The following CCDC148 variants were observed in gnomAD, a reference collection of about 807,000 sequenced individuals.
CCDC148 encodes coiled-coil domain-containing protein 148.
Under a neutral mutation model 85.7 loss-of-function variants are expected in CCDC148, and 89 were observed. The ratio of observed to expected loss-of-function variants is 1.04; its 90% CI spans 0.87 to 1.24. CCDC148 has a LOEUF of 1.24. CCDC148 is among the 50% of genes most tolerant of loss of function. The pLI is 0.00. For synonymous variants in CCDC148, 230 were observed against 213.9 expected (o/e 1.08, Z -0.66); for missense variants, 692 against 671.7 (o/e 1.03, Z -0.33).
chr2:158,434,960 A>G (rs1687566875), intron 1 of CCDC148, among the ~76,000 whole-genome samples: 1 of 152,218 alleles, frequency 6.6e-6, no homozygotes, highest in African/African-American at 2.4e-5. Flanking sequence ...AAAGCCTCCA[A>G]GAAATATGGG....
chr2:158,232,024 G>C (rs911275910), intron 10 of CCDC148, among the ~76,000 whole-genome samples: 5 of 152,004 alleles, frequency 3.3e-5, no homozygotes, highest in South Asian at 2.1e-4. Context: ...CTGATTGTTA[G>C]ACTTTTTGAA....
chr2:158,448,809 T>TTTG (rs916503877), intron 1 of CCDC148, among the ~76,000 whole-genome samples: 19 of 151,980 alleles, frequency 1.3e-4, no homozygotes, highest in Non-Finnish European at 2.5e-4. Context: ...GAATTGGGTT[T>TTTG]TTGTTGTTGT....
chr2:158,336,063 C>A (rs1682359896), intron 7 of CCDC148, among the ~76,000 whole-genome samples: 1 of 152,190 alleles, frequency 6.6e-6, no homozygotes, highest in Non-Finnish European at 1.5e-5. Context: ...CAGTGCACAA[C>A]TGTCTAAACT....
chr2:158,371,742 AACC>A (rs1260663301), intron 1 of CCDC148, among the ~76,000 whole-genome samples: 1 of 151,784 alleles, frequency 6.6e-6, no homozygotes, highest in Non-Finnish European at 1.5e-5. Context: ...ATATTCATTC[AACC>A]ACTACAAGAA....
At chr2:158,340,470 G>A (rs1682625237) in intron 4 of CCDC148, 77 bp from the exon 5 acceptor site, 9 of 1,512,776 alleles carry the variant, frequency 5.9e-6, no homozygotes, top group African/African-American at 1.4e-5. Context: ...TTAGAGTACA[G>A]ATTTATTTGG....
At position 158,345,303 on chromosome 2, in the gene CCDC148, A is replaced by G. The variant is rs1034634795; in HGVS notation, c.163T>C (p.Leu55=). 1 of 1,612,658 alleles carries G rather than the reference A, an allele frequency of 6.2e-7. No individual in the cohort carries two copies. The highest frequency in any genetic ancestry group is 1.3e-5 in the African/African-American group (1 of 74,834). The change falls in exon 3 of 14, where the codon TTG becomes CTG. Residue 55 remains leucine (L), a synonymous_variant. Coordinates refer to ENST00000283233, the MANE Select transcript of CCDC148 (RefSeq NM_138803.4). The stretch of plus-strand genomic sequence containing the variant: ...TGTTCTTTGGATAACTTTGAAGTCA[A>G]CATTGCTTTTCTGATCTAGATTTAG... ...SAKLKIRKAM[L]TSKLSKEQTL...
intron 1 of CCDC148, among the ~76,000 whole-genome samples, chr2:158,384,032 T>C (rs1281234267): frequency 6.6e-6 from 1 of 152,170 alleles, no homozygotes; most frequent in Non-Finnish European, 1.5e-5. Context: ...CCTTCAGTTT[T>C]GGTTTGTCTG....
chr2:158,433,857 A>G (rs1687499459), intron 1 of CCDC148, among the ~76,000 whole-genome samples: 1 of 152,228 alleles, frequency 6.6e-6, no homozygotes. Context: ...TCCCACGCCC[A>G]TGGAGCCTCG....
intron 7 of CCDC148, among the ~76,000 whole-genome samples, chr2:158,327,636 G>T (rs77858482): frequency 0.071 from 10,801 of 152,200 alleles, 532 homozygotes; most frequent in South Asian, 0.11. Context: ...CACAGCAATA[G>T]TCTTCCCTCA....
intron 9 of CCDC148, among the ~76,000 whole-genome samples, chr2:158,283,947 T>TA (rs1287346330): frequency 4.6e-5 from 7 of 151,258 alleles, no homozygotes; most frequent in Non-Finnish European, 1.0e-4. Flanking sequence ...TATGCAGCCA[T>TA]AAAAAATGAT....
chr2:158,314,253 T>G (rs1298076998), intron 7 of CCDC148, among the ~76,000 whole-genome samples: 1 of 152,222 alleles, frequency 6.6e-6, no homozygotes, highest in Non-Finnish European at 1.5e-5. Context: ...AAAAGGAATT[T>G]TATTTATTCA....
chr2:158,259,139 T>G (rs1265948415), intron 9 of CCDC148, among the ~76,000 whole-genome samples: 1 of 151,838 alleles, frequency 6.6e-6, no homozygotes, highest in African/African-American at 2.4e-5. Flanking sequence ...CTCCCCTTTC[T>G]AATCAATATT....
intron 1 of CCDC148, among the ~76,000 whole-genome samples, chr2:158,405,821 T>G (rs1685974402): frequency 6.6e-6 from 1 of 152,212 alleles, no homozygotes; most frequent in South Asian, 2.1e-4. Context: ...ATTCATTGAA[T>G]ATTGTAATAG....
At chr2:158,259,321 G>A (rs1430493749) in intron 9 of CCDC148, among the ~76,000 whole-genome samples, 1 of 151,794 alleles carries the variant, frequency 6.6e-6, no homozygotes, top group African/African-American at 2.4e-5. Flanking sequence ...ACTGGTGCCT[G>A]TTTCCCCACT....
intron 1 of CCDC148, among the ~76,000 whole-genome samples, chr2:158,387,018 CAT>C (rs1685113094): frequency 2.0e-5 from 3 of 152,158 alleles, no homozygotes; most frequent in Non-Finnish European, 4.4e-5. Context: ...ATAAAAAATA[CAT>C]ATATGGTTGT....
chr2:158,454,248 A>G (rs748719613), intron 1 of CCDC148, among the ~76,000 whole-genome samples: 22 of 152,240 alleles, frequency 1.4e-4, no homozygotes, highest in Non-Finnish European at 2.2e-4. Context: ...AGGCCAATAG[A>G]TAGAGATGGT....
chr2:158,331,519 A>T (rs925524410), intron 7 of CCDC148, among the ~76,000 whole-genome samples: 2 of 152,180 alleles, frequency 1.3e-5, no homozygotes, highest in African/African-American at 4.8e-5. Context: ...GATGTCTATT[A>T]TGTCCGCTTG....
intron 1 of CCDC148, among the ~76,000 whole-genome samples, chr2:158,380,446 G>C (rs1684823277): frequency 6.6e-6 from 1 of 152,142 alleles, no homozygotes; most frequent in Admixed American, 6.6e-5. Flanking sequence ...GGCTGTGAAA[G>C]ACTGAAAGAC....
intron 1 of CCDC148, among the ~76,000 whole-genome samples, chr2:158,382,785 G>T (rs1011207185): frequency 8.6e-5 from 13 of 151,344 alleles, no homozygotes; most frequent in African/African-American, 2.9e-4. Flanking sequence ...GCTGGGCATG[G>T]TGGCAGACGC....
Sources: allele counts gnomAD v4.1 joint callset (sites outside exome capture counted in the v4.1 genomes callset), GRCh38; gene constraint gnomAD v4.1.1; transcripts MANE v1.5; gene names NCBI Gene and HGNC (gene_info 2026-07-23, HGNC 2026-07-21).